The following ARMC2 variants were observed in gnomAD, a reference collection of about 807,000 sequenced individuals.
ARMC2 encodes armadillo repeat-containing protein 2.
Under a neutral mutation model 90.3 loss-of-function variants are expected in ARMC2, and 67 were observed. The observed-to-expected ratio is 0.74, with a 90% CI of 0.61 to 0.91. The LOEUF is 0.91. Ranked by LOEUF, ARMC2 falls within the 40% of genes least tolerant of loss-of-function variation. The pLI is 0.00. For missense variants in ARMC2, 920 were observed against 1,030.9 expected, an observed-to-expected ratio of 0.89 and a Z score of 1.47; for synonymous variants, 393 against 393.0, an observed-to-expected ratio of 1.00 and a Z score of 0.00.
chr6:108,870,389 G>A (rs1397319771), intron 4 of ARMC2, among the ~76,000 whole-genome samples: 1 of 152,108 alleles, frequency 6.6e-6, no homozygotes, highest in Non-Finnish European at 1.5e-5. Context: ...CCTCCATTCT[G>A]TGGCCAGGAT....
the ARMC2 span, among the ~76,000 whole-genome samples, chr6:108,997,837 CAGA>C: frequency 6.6e-6 from 1 of 152,036 alleles, no homozygotes; most frequent in Non-Finnish European, 1.5e-5. Context: ...CAAAAGAATG[CAGA>C]AGGAGATTTT....
At chr6:109,018,259 C>T in the ARMC2 span, among the ~76,000 whole-genome samples, 1 of 152,164 alleles carries the variant, frequency 6.6e-6, no homozygotes, top group Non-Finnish European at 1.5e-5. Context: ...TCAATGGAGA[C>T]TGCCAAAACA....
At chr6:109,002,208 C>G in the ARMC2 span, 1 of 1,355,814 alleles carries the variant, frequency 7.4e-7, no homozygotes, top group Non-Finnish European at 1.1e-6. Flanking sequence ...CTTCAGATGC[C>G]AACATGTGGG....
At chr6:108,976,688 T>C (rs1305346518), downstream of ARMC2, among the ~76,000 whole-genome samples, 5 of 152,158 alleles carry the variant, frequency 3.3e-5, no homozygotes, top group Non-Finnish European at 7.3e-5. Flanking sequence ...TGAGCAGTGG[T>C]TTGTAGTTCT....
rs544099935 is a variant in ARMC2 at position 108,852,884 on chromosome 6, A to G, written c.-43-1341A>G. 1.2e-4 allele frequency among the ~76,000 whole-genome samples: 19 copies of G among 152,306 alleles called. No individual in the cohort carries two copies. In the South Asian group the frequency reaches 3.9e-3, roughly 32 times the overall value. ...GCTTAAGTTAGATGTTACGGGACTG[A>G]ATTTGTATTATGCATCCAAAAATAA... On this transcript the variant is annotated intron_variant, in intron 1 of 17. Coordinates refer to ENST00000392644, the MANE Select transcript of ARMC2 (RefSeq NM_032131.6).
chr6:108,917,141 A>C (rs759725098), intron 10 of ARMC2, among the ~76,000 whole-genome samples: 2 of 152,122 alleles, frequency 1.3e-5, no homozygotes, highest in African/African-American at 2.4e-5. Context: ...TTTGAATTCA[A>C]TCCTTAGAGA....
Position 108,873,818 on chromosome 6 carries a change from C to G in ARMC2, c.464-2325C>G, listed in dbSNP as rs142766078. On this transcript the variant is annotated intron_variant, in intron 4 of 17. Coordinates refer to ENST00000392644, the MANE Select transcript of ARMC2 (RefSeq NM_032131.6). Reference sequence around the variant, plus strand: ...TCTGACCAACTCCCAACCCCTCAAGCTTTCTCCACTCTCTCTGCCCCCTCC... The same window carrying G: ...TCTGACCAACTCCCAACCCCTCAAGGTTTCTCCACTCTCTCTGCCCCCTCC... Among the ~76,000 whole-genome samples, 274 of 152,304 alleles carry G rather than the reference C, an allele frequency of 1.8e-3. 2 individuals are homozygous for G. The highest frequency in any genetic ancestry group is 6.3e-3 in the African/African-American group (261 of 41,572).
chr6:108,886,007 T>G (rs1778062004), intron 5 of ARMC2, among the ~76,000 whole-genome samples: 1 of 152,206 alleles, frequency 6.6e-6, no homozygotes, highest in African/African-American at 2.4e-5. Flanking sequence ...CCACAAAGCC[T>G]AAAACATTTA....
chr6:108,939,084 G>T (rs1776223860), intron 12 of ARMC2, among the ~76,000 whole-genome samples: 1 of 152,138 alleles, frequency 6.6e-6, no homozygotes, highest in Non-Finnish European at 1.5e-5. Context: ...CTCCCAAAGT[G>T]CTGGGATTAC....
the ARMC2 span, among the ~76,000 whole-genome samples, chr6:109,008,136 C>A: frequency 6.6e-6 from 1 of 152,162 alleles, no homozygotes. Context: ...AAATCTATTT[C>A]TTTATCTTTT....
chr6:108,864,698 A>G (rs1241608668), intron 3 of ARMC2, among the ~76,000 whole-genome samples: 1 of 152,170 alleles, frequency 6.6e-6, no homozygotes, highest in African/African-American at 2.4e-5. Context: ...TCCAGTTGTC[A>G]CATAGGATCG....
chr6:109,039,109 G>A, the ARMC2 span, among the ~76,000 whole-genome samples: 185 of 143,766 alleles, frequency 1.3e-3, no homozygotes, highest in Non-Finnish European at 2.1e-3. Context: ...GGAGGAGAAG[G>A]AGAAGGAAGG....
At chr6:108,981,761 G>A in the ARMC2 span, among the ~76,000 whole-genome samples, 9 of 151,680 alleles carry the variant, frequency 5.9e-5, no homozygotes, top group East Asian at 1.2e-3. Flanking sequence ...TCCGCTTCCC[G>A]GGTTCAAGTG....
chr6:108,990,718 T>C, the ARMC2 span: 26 of 1,614,048 alleles, frequency 1.6e-5, no homozygotes, highest in African/African-American at 4.0e-5. Context: ...TCTTTGTGCA[T>C]TGCCATTGTA....
the ARMC2 span, among the ~76,000 whole-genome samples, chr6:109,049,486 T>C: frequency 0.069 from 10,542 of 152,096 alleles, 699 homozygotes; most frequent in African/African-American, 0.17. Context: ...AGGATAACTA[T>C]AGTTAACAAT....
intron 7 of ARMC2, among the ~76,000 whole-genome samples, chr6:108,903,600 G>A (rs1772374411): frequency 6.6e-6 from 1 of 152,120 alleles, no homozygotes; most frequent in African/African-American, 2.4e-5. Flanking sequence ...TATTCTCACT[G>A]TACCATGTGC....
At chr6:108,990,303 A>G in the ARMC2 span, among the ~76,000 whole-genome samples, 10 of 152,328 alleles carry the variant, frequency 6.6e-5, no homozygotes, top group East Asian at 1.9e-3. Flanking sequence ...GTAGAAACAT[A>G]AGTGTATCAA....
At chr6:108,919,918 T>C (rs1312172935) in intron 10 of ARMC2, among the ~76,000 whole-genome samples, 1 of 152,216 alleles carries the variant, frequency 6.6e-6, no homozygotes, top group Non-Finnish European at 1.5e-5. Context: ...TAAACTTTTA[T>C]TCTGAACTAA....
chr6:108,866,122 A>G (rs1185466078), intron 3 of ARMC2, among the ~76,000 whole-genome samples: 1 of 151,654 alleles, frequency 6.6e-6, no homozygotes, highest in Admixed American at 6.6e-5. Flanking sequence ...AGATTTCTTG[A>G]TCTTTGTTTC....
Sources: gnomAD v4.1 joint callset for allele counts (sites outside exome capture counted in the v4.1 genomes callset) on GRCh38, gnomAD v4.1.1 for gene constraint, MANE v1.5 for transcripts, NCBI Gene and HGNC (gene_info 2026-07-23, HGNC 2026-07-21) for gene names.